CATSPER2: variants seen among roughly 807,000 people sequenced by gnomAD.
CATSPER2 encodes the protein cation channel sperm associated 2, also known as cation channel sperm-associated protein 2.
A neutral mutation model predicts 68.8 loss-of-function variants in CATSPER2; 56 were observed. That is an observed-to-expected ratio of 0.81 (90% confidence interval 0.66 to 1.02). The LOEUF is 1.02. CATSPER2 is among the 50% of genes least tolerant of loss of function. CATSPER2 has a pLI of 0.00. For synonymous variants in CATSPER2, 198 were observed against 229.9 expected (o/e 0.86, Z 1.26); for missense variants, 582 against 642.0 (o/e 0.91, Z 1.01).
chr15:43,637,796 A>G (rs1168262091), intron 7 of CATSPER2: 2 of 151,920 alleles, frequency 1.3e-5, no homozygotes, highest in Non-Finnish European at 2.9e-5. Context: ...TAATATGTAG[A>G]GATTGGGATA....
Position 43,635,784 on chromosome 15 carries a change from A to AT in CATSPER2, c.1063dup (p.Met355AsnfsTer11). On this transcript the variant is annotated frameshift_variant, in exon 9 of 13. Transcript: ENST00000396879. LOFTEE classifies it high-confidence loss of function. Reference sequence around the variant, plus strand: ...TTTGAGCTGAACCTCCCGACGCGCCATCTCCTCATTCAGCTCTTTCCTGAT... The same window carrying AT: ...TTTGAGCTGAACCTCCCGACGCGCCATTCTCCTCATTCAGCTCTTTCCTGAT... 1 of 1,613,582 alleles carries AT rather than the reference A, an allele frequency of 6.2e-7. No homozygotes were observed. Among genetic ancestry groups the AT allele is most frequent in the Non-Finnish European group, 8.5e-7 (1 of 1,179,802 alleles).
At chr15:43,630,949 C>G (rs1299061526) in intron 12 of CATSPER2, among the ~76,000 whole-genome samples, 1 of 151,958 alleles carries the variant, frequency 6.6e-6, no homozygotes, top group Non-Finnish European at 1.5e-5. Flanking sequence ...TCACCCTGTC[C>G]TCCCTAGAGA....
chr15:43,647,810 A>T, intron 2 of CATSPER2, 107 bp downstream of exon 2: 1 of 1,253,330 alleles, frequency 8.0e-7, no homozygotes, highest in East Asian at 2.3e-5. Flanking sequence ...TGATTTATCA[A>T]GTTTGGTAAA....
rs202018456 is a variant in CATSPER2, at chr15:43,648,713, T to C, written c.-87A>G. 60 of 1,494,774 alleles carry C rather than the reference T, an allele frequency of 4.0e-5. No homozygotes were observed. The highest frequency in any genetic ancestry group is 5.2e-5 in the East Asian group (2 of 38,552). 92.6% of individuals were successfully genotyped at this position (1,494,774 alleles called of 1,614,324 possible). ...GGTGCCCCGAGCCTGGCTACCCCTA[T>C]GCAAGACGAGCTCAGGGCCGGCTCC... is the stretch of plus-strand genomic sequence containing the variant. On this transcript the variant is annotated 5_prime_UTR_variant, in exon 1 of 13. Coordinates refer to ENST00000396879, the MANE Select transcript of CATSPER2 (RefSeq NM_172095.4).
intron 6 of CATSPER2, 149 bp from the exon 7 acceptor site, chr15:43,639,177 C>T: frequency 2.2e-6 from 2 of 895,024 alleles, no homozygotes; most frequent in Non-Finnish European, 3.5e-6. Context: ...CTGTCCCCAG[C>T]CCCTTCTCAT....
intron 12 of CATSPER2, among the ~76,000 whole-genome samples, chr15:43,631,235 T>C (rs1201260742): frequency 2.0e-5 from 3 of 151,958 alleles, no homozygotes; most frequent in Non-Finnish European, 4.4e-5. Context: ...AAATCTTCTG[T>C]TTTTGGTTTG....
chr15:43,637,717 C>T (rs1191857973), intron 7 of CATSPER2: 3 of 151,892 alleles, frequency 2.0e-5, no homozygotes, highest in Non-Finnish European at 2.9e-5. Context: ...AATTTTAGTA[C>T]ATGTGCTGCC....
chr15:43,635,113 A>C (rs528759834), intron 10 of CATSPER2: 2 of 559,984 alleles, frequency 3.6e-6, no homozygotes, highest in South Asian at 4.1e-5. Flanking sequence ...ACCTACCTGG[A>C]TAATCTAGGA....
In CATSPER2 at chr15:43,639,675, T is replaced by C. The variant is rs1065393; in HGVS notation, c.685A>G (p.Ile229Val). ...KLLAQFRQIQ[I>V]IILVLVRALK... Reference sequence around the variant, plus strand: ...GCCCTGACCAGGACCAAAATAATAATTTGAATTTGACGGAATTGTGCAAGG... The same window carrying C: ...GCCCTGACCAGGACCAAAATAATAACTTGAATTTGACGGAATTGTGCAAGG... Residue 229 changes from isoleucine (I) to valine (V), a missense_variant, in exon 6 of 13, where the codon ATT becomes GTT. Physicochemically the swap from Ile to Val is conservative, Grantham distance 29. Coordinates refer to ENST00000396879, the MANE Select transcript of CATSPER2 (RefSeq NM_172095.4). 229 of 1,612,334 alleles carry C rather than the reference T, an allele frequency of 1.4e-4. 5 individuals carry two copies. The African/African-American group carries it at 2.5e-3, about 18-fold the overall frequency.
At chr15:43,646,491 C>T (rs1320873643) in intron 4 of CATSPER2, among the ~76,000 whole-genome samples, 2 of 151,328 alleles carry the variant, frequency 1.3e-5, no homozygotes, top group African/African-American at 4.9e-5. Flanking sequence ...GAATTCCTGA[C>T]CTCAAGTGAT....
At chr15:43,639,854 T>G in intron 5 of CATSPER2, 56 bp from the exon 6 acceptor site, 2 of 1,606,496 alleles carry the variant, frequency 1.2e-6, no homozygotes, top group Non-Finnish European at 1.7e-6. Context: ...CCAGGCAGAA[T>G]TGCAGCTTCT....
chr15:43,641,259 G>A (rs148371240), intron 4 of CATSPER2, among the ~76,000 whole-genome samples: 3,223 of 151,518 alleles, frequency 0.021, 153 homozygotes, highest in African/African-American at 0.075. Flanking sequence ...TGGGATTACA[G>A]GCATGCACCA....
intron 10 of CATSPER2, chr15:43,633,306 G>T: frequency 3.3e-6 from 1 of 305,090 alleles, no homozygotes; most frequent in Non-Finnish European, 6.2e-6. Flanking sequence ...AGCAACCAGA[G>T]TAATCCTTCT....
In CATSPER2 at chr15:43,647,388, T is replaced by C. The variant is rs1421568966; in HGVS notation, c.225A>G (p.Glu75=). The C allele has an allele frequency of 2.5e-6, 4 of 1,613,258 alleles. No homozygotes were observed. Among genetic ancestry groups the C allele is most frequent in the Non-Finnish European group, 3.4e-6 (4 of 1,179,470 alleles). The change falls in exon 3 of 13, where the codon GAA becomes GAG. Residue 75 remains glutamate (E), a synonymous_variant. Coordinates refer to ENST00000396879, the MANE Select transcript of CATSPER2 (RefSeq NM_172095.4). ...ACAGCCTCTGGGCATGTGAAATCTGTTCTATACGCTGAGGCTTTATAGAGA... is the reference window on the plus strand; with the variant it reads ...ACAGCCTCTGGGCATGTGAAATCTGCTCTATACGCTGAGGCTTTATAGAGA... ...VRFSIKPQRI[E]QISHAQRLLS...
chr15:43,636,378 G>A (rs1399018844), intron 7 of CATSPER2, among the ~76,000 whole-genome samples, 159 bp from the exon 8 acceptor site: 1 of 151,752 alleles, frequency 6.6e-6, no homozygotes, highest in Non-Finnish European at 1.5e-5. Context: ...TCATTCTATA[G>A]TTTGAAGTTT....
intron 6 of CATSPER2, 98 bp from the exon 7 acceptor site, chr15:43,639,126 C>T: frequency 1.4e-6 from 2 of 1,415,614 alleles, no homozygotes; most frequent in African/African-American, 1.4e-5. Context: ...ACCAAACCCT[C>T]TCTTGCACTG....
chr15:43,630,840 T>C, intron 12 of CATSPER2, 108 bp from the exon 13 acceptor site: 2 of 1,600,164 alleles, frequency 1.2e-6, no homozygotes, highest in Non-Finnish European at 1.7e-6. Flanking sequence ...CACAAGTCTT[T>C]ACTAATCTTT....
chr15:43,648,781 G>A lies in CATSPER2; in HGVS notation c.-155C>T, dbSNP rs1213502916. ...ATTCCCCGCCCCGCTCGACCCCCAG[G>A]TTTCGGCTCACCCCGGGACCCGGCC... is the stretch of plus-strand genomic sequence containing the variant. On this transcript the variant is annotated 5_prime_UTR_variant, in exon 1 of 13. Coordinates refer to ENST00000396879, the MANE Select transcript of CATSPER2 (RefSeq NM_172095.4). The A allele has an allele frequency of 2.6e-6, 4 of 1,528,382 alleles. 1 individual carries two copies. The highest frequency in any genetic ancestry group is 3.5e-6 in the Non-Finnish European group (4 of 1,141,498). The allele number at this position is 1,528,382 out of a possible 1,614,324, so 94.7% of individuals were successfully genotyped here. A position where few individuals can be genotyped will look rare whatever the true frequency, so the allele number is the denominator to read the frequency against.
At chr15:43,643,515 T>C (rs2086108442) in intron 4 of CATSPER2, among the ~76,000 whole-genome samples, 1 of 151,830 alleles carries the variant, frequency 6.6e-6, no homozygotes, top group Non-Finnish European at 1.5e-5. Flanking sequence ...TCTTGTATTT[T>C]CAGTAGAGAC....
Sources: gnomAD v4.1 joint callset for allele counts (sites outside exome capture counted in the v4.1 genomes callset) on GRCh38, gnomAD v4.1.1 for gene constraint, MANE v1.5 for transcripts, NCBI Gene and HGNC (gene_info 2026-07-23, HGNC 2026-07-21) for gene names.